Variants in CTNNA2 observed in about 807,000 individuals in gnomAD.
The protein encoded by CTNNA2 is catenin alpha-2.
In CTNNA2, 42 loss-of-function variants were observed where a neutral mutation model predicts 101.0. The ratio of observed to expected loss-of-function variants is 0.42; its 90% CI spans 0.32 to 0.54. CTNNA2 has a LOEUF of 0.54. CTNNA2 is among the 20% of genes least tolerant of loss of function. The pLI is 0.14. For missense variants in CTNNA2, 871 were observed against 1,223.1 expected, an observed-to-expected ratio of 0.71 and a Z score of 4.29; for synonymous variants, 450 against 456.4, an observed-to-expected ratio of 0.99 and a Z score of 0.18.
At chr2:80,208,421 T>C (rs1405610782) in intron 7 of CTNNA2, among the ~76,000 whole-genome samples, 2 of 152,202 alleles carry the variant, frequency 1.3e-5, no homozygotes, top group Non-Finnish European at 2.9e-5. Context: ...AGCTACTCTC[T>C]TACTATACTG....
At chr2:80,638,063 T>G (rs3770375) in intron 18 of CTNNA2, among the ~76,000 whole-genome samples, 28,653 of 152,112 alleles carry the variant, frequency 0.19, 4,388 homozygotes, top group African/African-American at 0.42. Context: ...TCCTCTTACA[T>G]TTGTCTTCTG....
At chr2:79,797,404 T>C (rs1675803331) in intron 3 of CTNNA2, among the ~76,000 whole-genome samples, 1 of 152,146 alleles carries the variant, frequency 6.6e-6, no homozygotes, top group Non-Finnish European at 1.5e-5. Context: ...CTCACAACTA[T>C]AATCCCAACA....
chr2:80,427,965 A>C (rs973915689), intron 9 of CTNNA2, among the ~76,000 whole-genome samples: 1 of 152,262 alleles, frequency 6.6e-6, no homozygotes, highest in Admixed American at 6.5e-5. Context: ...AGGCAGAACT[A>C]TGTGCTGTAG....
At chr2:79,323,627 G>A (rs1676675978) in intron 3 of CTNNA2, among the ~76,000 whole-genome samples, 2 of 152,148 alleles carry the variant, frequency 1.3e-5, no homozygotes, top group African/African-American at 2.4e-5. Context: ...CAAGTTTCAA[G>A]GGAGACTGAC....
At chr2:80,283,452 A>G (rs557478011) in intron 7 of CTNNA2, among the ~76,000 whole-genome samples, 1 of 152,312 alleles carries the variant, frequency 6.6e-6, no homozygotes, top group East Asian at 1.9e-4. Context: ...ATATAAATTT[A>G]AAAAATAATC....
At position 80,303,754 on chromosome 2, in the gene CTNNA2, C is replaced by A; in HGVS notation, c.1057-89457C>A. 6.3e-7 allele frequency: 1 copy of A among 1,586,470 alleles called. No individual in the cohort carries two copies. The highest frequency in any genetic ancestry group is 1.2e-5 in the South Asian group (1 of 85,774). ...TCTGAAAGCAGGCCCCCAGCAGACACAAGACCACCCCCGAGGGCCTCCTCA... is the reference window on the plus strand; with the variant it reads ...TCTGAAAGCAGGCCCCCAGCAGACAAAAGACCACCCCCGAGGGCCTCCTCA... On this transcript the variant is annotated intron_variant, in intron 7 of 18. Coordinates refer to ENST00000402739, the MANE Select transcript of CTNNA2 (RefSeq NM_001282597.3). The surrounding 1 kb of genome is among the most constrained non-coding windows in gnomAD (Gnocchi z 7.7).
At position 79,497,571 on chromosome 2, in the gene CTNNA2, T is replaced by G. The variant is rs752810596; in HGVS notation, c.-134-7483T>G. ...ATTTCTCAGTGTCTTGTTAACTCAC[T>G]CCCTTTGGTGTCCTGCAGTTAACCT... On this transcript the variant is annotated intron_variant, in intron 4 of 21. Transcript: ENST00000466387. 9.2e-5 allele frequency among the ~76,000 whole-genome samples: 14 copies of G among 152,174 alleles called. 1 individual carries two copies. Among genetic ancestry groups the G allele is most frequent in the Non-Finnish European group, 1.6e-4 (11 of 68,038 alleles).
Position 79,605,662 on chromosome 2 carries a change from G to C in CTNNA2, c.-5-45890G>C, listed in dbSNP as rs188958430. Among the ~76,000 whole-genome samples, 25 of 152,206 alleles carry C rather than the reference G, an allele frequency of 1.6e-4. No individual in the cohort carries two copies. In the East Asian group the frequency reaches 4.8e-3, roughly 29 times the overall value. On this transcript the variant is annotated intron_variant, in intron 1 of 18. Coordinates refer to ENST00000402739, the MANE Select transcript of CTNNA2 (RefSeq NM_001282597.3). ...CTTATGTCTGTAATCACAGCACTTT[G>C]GGAGGCTGTGGTCGGAGGATGGCTT...
intron 7 of CTNNA2, among the ~76,000 whole-genome samples, chr2:79,920,274 TCTC>T (rs1302814870): frequency 1.3e-5 from 2 of 152,144 alleles, no homozygotes; most frequent in African/African-American, 4.8e-5. Context: ...GATGGCTGCT[TCTC>T]CTCCCACCAA....
At chr2:80,570,265 T>G (rs1026200853) in intron 12 of CTNNA2, among the ~76,000 whole-genome samples, 1 of 152,178 alleles carries the variant, frequency 6.6e-6, no homozygotes, top group Non-Finnish European at 1.5e-5. Context: ...CCCAGGCTAT[T>G]CTTGAACTCC....
chr2:80,569,158 T>A (rs1368895), intron 12 of CTNNA2, among the ~76,000 whole-genome samples: 1 of 152,182 alleles, frequency 6.6e-6, no homozygotes, highest in African/African-American at 2.4e-5. Context: ...TGAAACTTCA[T>A]CCCTGACGTC....
intron 7 of CTNNA2, among the ~76,000 whole-genome samples, chr2:79,928,050 T>C (rs1027781624): frequency 6.6e-6 from 1 of 152,148 alleles, no homozygotes. Context: ...CATGTTTACG[T>C]TGGGTTTGTT....
At chr2:79,890,214 G>A (rs1684203775) in intron 6 of CTNNA2, among the ~76,000 whole-genome samples, 1 of 152,190 alleles carries the variant, frequency 6.6e-6, no homozygotes, top group South Asian at 2.1e-4. Context: ...AAAGCGGGTA[G>A]GGATAAAGGG....
intron 3 of CTNNA2, among the ~76,000 whole-genome samples, chr2:79,355,161 G>A (rs1291923387): frequency 6.6e-6 from 1 of 152,088 alleles, no homozygotes; most frequent in African/African-American, 2.4e-5. Context: ...GTCAGGTAAT[G>A]TGACACCTCC....
At chr2:80,305,662 C>A (rs2149215727) in intron 7 of CTNNA2, among the ~76,000 whole-genome samples, 1 of 152,232 alleles carries the variant, frequency 6.6e-6, no homozygotes, top group African/African-American at 2.4e-5. Flanking sequence ...TATTCATAAT[C>A]ATTTATAGAT....
At chr2:79,597,783 C>T (rs1403205296) in intron 1 of CTNNA2, among the ~76,000 whole-genome samples, 1 of 152,000 alleles carries the variant, frequency 6.6e-6, no homozygotes, top group Non-Finnish European at 1.5e-5. Context: ...ACACTGATGC[C>T]CTATTATCAT....
chr2:79,978,365 T>G (rs1691018641), intron 7 of CTNNA2, among the ~76,000 whole-genome samples: 1 of 152,114 alleles, frequency 6.6e-6, no homozygotes, highest in Admixed American at 6.5e-5. Context: ...CATCAAGAAT[T>G]TAAGCCTTGT....
At chr2:79,459,125 T>C (rs1670852813) in intron 4 of CTNNA2, among the ~76,000 whole-genome samples, 1 of 152,152 alleles carries the variant, frequency 6.6e-6, no homozygotes, top group African/African-American at 2.4e-5. Flanking sequence ...GATTCTATTC[T>C]AAGCAACATA....
rs71385270 is a variant in CTNNA2, at chr2:79,393,628, G to GAAAAA, written c.-135+19631_-135+19635dup. Among the ~76,000 whole-genome samples, 2 of 89,016 alleles carry GAAAAA rather than the reference G, an allele frequency of 2.2e-5. 1 individual carries two copies. The highest frequency in any genetic ancestry group is 7.5e-5 in the African/African-American group (2 of 26,516). The allele number at this position is 89,016 out of a possible 152,430, so 58.4% of individuals were successfully genotyped here. ...TAGGATAAAAGAAGATGTTCACAGA[G>GAAAAA]AAAAAAAAAAAAAAAAAAAAGCTGC... On this transcript the variant is annotated intron_variant, in intron 4 of 21. Coordinates refer to the CTNNA2 transcript ENST00000466387.
Sources: allele counts gnomAD v4.1 joint callset (sites outside exome capture counted in the v4.1 genomes callset), GRCh38; gene constraint gnomAD v4.1.1; non-coding constraint Gnocchi (gnomAD v3.1); transcripts MANE v1.5; gene names NCBI Gene and HGNC (gene_info 2026-07-23, HGNC 2026-07-21).